Variants in TRABD2B observed in about 807,000 individuals in gnomAD.
TRABD2B encodes metalloprotease TIKI2.
A neutral mutation model predicts 40.1 loss-of-function variants in TRABD2B; 14 were observed. That is an observed-to-expected ratio of 0.35 (90% CI 0.23 to 0.55). The LOEUF (loss-of-function observed/expected upper bound fraction) is 0.55, where lower values mean the gene tolerates loss of function less well. Among genes scored for constraint, TRABD2B ranks in the 20% least tolerant of loss-of-function variants. TRABD2B has a pLI of 0.90. For synonymous variants in TRABD2B, 263 were observed against 277.0 expected (o/e 0.95, Z 0.50); for missense variants, 541 against 648.6 (o/e 0.83, Z 1.80).
chr1:47,991,337 G>A (rs764587984), intron 2 of TRABD2B, among the ~76,000 whole-genome samples: 1 of 152,164 alleles, frequency 6.6e-6, no homozygotes, highest in Non-Finnish European at 1.5e-5. Flanking sequence ...CCTATGGAAT[G>A]TCAGGGCTAG....
At chr1:47,809,734 G>A (rs1427150785) in intron 2 of TRABD2B, among the ~76,000 whole-genome samples, 1 of 152,122 alleles carries the variant, frequency 6.6e-6, no homozygotes, top group Non-Finnish European at 1.5e-5. Flanking sequence ...CCTGTCTCCG[G>A]ACACTGGGCT....
chr1:47,926,172 G>A (rs998293974), intron 2 of TRABD2B, among the ~76,000 whole-genome samples: 2 of 152,008 alleles, frequency 1.3e-5, no homozygotes, highest in African/African-American at 2.4e-5. Flanking sequence ...TGTTATCTAC[G>A]AATAATAAAA....
intron 6 of TRABD2B, among the ~76,000 whole-genome samples, chr1:47,774,705 C>G (rs895664114): frequency 2.0e-5 from 3 of 152,252 alleles, no homozygotes; most frequent in African/African-American, 7.2e-5. Flanking sequence ...GCATTGATCA[C>G]CATCTATCCC....
At chr1:47,990,008 A>G (rs1192350530) in intron 2 of TRABD2B, among the ~76,000 whole-genome samples, 1 of 152,220 alleles carries the variant, frequency 6.6e-6, no homozygotes, top group Non-Finnish European at 1.5e-5. Flanking sequence ...GGTTAGAGAT[A>G]ATGTAATTAT....
intron 2 of TRABD2B, among the ~76,000 whole-genome samples, chr1:47,954,219 C>T (rs1645386307): frequency 6.6e-6 from 1 of 152,000 alleles, no homozygotes; most frequent in Non-Finnish European, 1.5e-5. Context: ...GGGTATGTTC[C>T]CCAAATTGGA....
At chr1:47,820,782 C>CCA (rs56348753) in intron 2 of TRABD2B, among the ~76,000 whole-genome samples, 1,826 of 147,170 alleles carry the variant, frequency 0.012, 29 homozygotes, top group African/African-American at 0.032. Context: ...TTCACACACA[C>CCA]CACACACACA....
intron 2 of TRABD2B, among the ~76,000 whole-genome samples, chr1:47,939,689 G>A (rs1430268284): frequency 6.6e-6 from 1 of 152,194 alleles, no homozygotes; most frequent in Non-Finnish European, 1.5e-5. Context: ...GACTATTTCA[G>A]TGTCACTGTT....
chr1:47,974,482 T>C (rs775902054), intron 2 of TRABD2B, among the ~76,000 whole-genome samples: 2 of 152,178 alleles, frequency 1.3e-5, no homozygotes, highest in Admixed American at 6.5e-5. Flanking sequence ...CTGGTCCCTC[T>C]CTAGCCTACT....
rs1414454260 is a variant in TRABD2B, at chr1:47,813,858, G to A, written c.667-12239C>T. Reference sequence around the variant, plus strand: ...GGACTAGTGCTAGGCTCTGTGCTGGGTGCCAAGGCCATGGGACCAAATCAG... The same window carrying A: ...GGACTAGTGCTAGGCTCTGTGCTGGATGCCAAGGCCATGGGACCAAATCAG... On this transcript the variant is annotated intron_variant, in intron 2 of 6. Transcript: ENST00000606738. This position sits in a 1 kb window ranked among gnomAD's most constrained non-coding sequence, Gnocchi z 4.3. 1.3e-5 allele frequency among the ~76,000 whole-genome samples: 2 copies of A among 152,218 alleles called. No individual in the cohort carries two copies. Among genetic ancestry groups the A allele is most frequent in the East Asian group, 1.9e-4 (1 of 5,200 alleles).
At chr1:47,979,520 A>C (rs1645809801) in intron 2 of TRABD2B, among the ~76,000 whole-genome samples, 2 of 152,076 alleles carry the variant, frequency 1.3e-5, no homozygotes, top group African/African-American at 2.4e-5. Context: ...GAGCGAGGGG[A>C]GGGACTTGCT....
chr1:47,849,790 C>A (rs1645522859), intron 2 of TRABD2B, among the ~76,000 whole-genome samples: 1 of 152,194 alleles, frequency 6.6e-6, no homozygotes, highest in South Asian at 2.1e-4. Flanking sequence ...GTGGCTCCCG[C>A]CCAAGGTTTT....
chr1:47,868,337 G>A (rs1244809192), intron 2 of TRABD2B, among the ~76,000 whole-genome samples: 1 of 152,192 alleles, frequency 6.6e-6, no homozygotes, highest in Non-Finnish European at 1.5e-5. Context: ...ACAGAAGGAA[G>A]ACAGCAAAGG....
In TRABD2B at chr1:47,994,736, T is replaced by C; in HGVS notation, c.103-139A>G. 1.3e-6 allele frequency: 1 copy of C among 744,964 alleles called. No individual in the cohort carries two copies. The highest frequency in any genetic ancestry group is 1.9e-5 in the South Asian group (1 of 53,028). 46.1% of individuals were successfully genotyped at this position (744,964 alleles called of 1,614,324 possible). On this transcript the variant is annotated intron_variant, in intron 1 of 6. Coordinates refer to ENST00000606738, the MANE Select transcript of TRABD2B (RefSeq NM_001194986.2). The surrounding 1 kb of genome is among the most constrained non-coding windows in gnomAD (Gnocchi z 6.7). ...CAGGCCGTGGTAAAGAGCCAGGTCTTTGGAGCCTGAAAGACCCACATTGAA... is the reference window on the plus strand; with the variant it reads ...CAGGCCGTGGTAAAGAGCCAGGTCTCTGGAGCCTGAAAGACCCACATTGAA...
chr1:47,969,077 C>G (rs746228281), intron 2 of TRABD2B, among the ~76,000 whole-genome samples: 9 of 152,334 alleles, frequency 5.9e-5, no homozygotes, highest in Non-Finnish European at 1.3e-4. Context: ...CAGAATCATT[C>G]TCAACCCAAG....
At position 47,982,375 on chromosome 1, in the gene TRABD2B, T is replaced by C. The variant is rs373171315; in HGVS notation, c.666+11659A>G. On this transcript the variant is annotated intron_variant, in intron 2 of 6. Coordinates refer to ENST00000606738, the MANE Select transcript of TRABD2B (RefSeq NM_001194986.2). ...CACTCAGCTGTGTGGTTTATATGCA[T>C]TATCTCATTTATGCCTCACAACAAC... 2.0e-3 allele frequency among the ~76,000 whole-genome samples: 309 copies of C among 152,316 alleles called. 15 individuals carry two copies. The South Asian group carries it at 0.063, about 31-fold the overall frequency.
chr1:47,966,688 T>C (rs1557685161), intron 2 of TRABD2B, among the ~76,000 whole-genome samples: 1 of 152,104 alleles, frequency 6.6e-6, no homozygotes, highest in Non-Finnish European at 1.5e-5. Flanking sequence ...GCAGATCACT[T>C]GAGGTCAGGA....
chr1:47,959,656 A>C (rs1444912140), intron 2 of TRABD2B, among the ~76,000 whole-genome samples: 1 of 152,224 alleles, frequency 6.6e-6, no homozygotes, highest in Non-Finnish European at 1.5e-5. Flanking sequence ...CCCAAGACTA[A>C]ACCAGGAAGA....
chr1:47,831,656 G>A (rs991295139), intron 2 of TRABD2B, among the ~76,000 whole-genome samples: 2 of 152,140 alleles, frequency 1.3e-5, no homozygotes, highest in African/African-American at 4.8e-5. Flanking sequence ...TTTCCAATTC[G>A]AAAGTCGAAG....
At chr1:47,989,561 C>G (rs1284942245) in intron 2 of TRABD2B, among the ~76,000 whole-genome samples, 1 of 152,168 alleles carries the variant, frequency 6.6e-6, no homozygotes, top group African/African-American at 2.4e-5. Flanking sequence ...TGTATGTCTT[C>G]ACAGCAGTGG....
Sources: allele counts gnomAD v4.1 joint callset (sites outside exome capture counted in the v4.1 genomes callset), GRCh38; gene constraint gnomAD v4.1.1; non-coding constraint Gnocchi (gnomAD v3.1); transcripts MANE v1.5; gene names NCBI Gene and HGNC (gene_info 2026-07-23, HGNC 2026-07-21).